Variants in IFNAR2 observed in about 807,000 individuals in gnomAD.
IFNAR2 encodes the protein interferon alpha and beta receptor subunit 2.
A neutral mutation model predicts 49.4 loss-of-function variants in IFNAR2; 30 were observed. The ratio of observed to expected loss-of-function variants is 0.61; its 90% CI spans 0.45 to 0.82. IFNAR2 has a LOEUF of 0.82. IFNAR2 is among the 40% of genes least tolerant of loss of function. The probability of loss-of-function intolerance (pLI) is 0.00; values close to 1 mark genes in which losing one functional copy is unlikely to be tolerated. For missense variants in IFNAR2, 600 were observed against 622.7 expected, an observed-to-expected ratio of 0.96 and a Z score of 0.39; for synonymous variants, 224 against 234.5, an observed-to-expected ratio of 0.96 and a Z score of 0.41.
At chr21:33,237,078 G>GGTGTGTGTGTGTGTGTGTGT (rs34322078) in intron 1 of IFNAR2, among the ~76,000 whole-genome samples, 4 of 147,698 alleles carry the variant, frequency 2.7e-5, no homozygotes, top group Admixed American at 1.3e-4. Context: ...GGGAGAATGG[G>GGTGTGTGTGTGTGTGTGTGT]GTGTGTGTGT....
intron 7 of IFNAR2, among the ~76,000 whole-genome samples, chr21:33,253,372 C>T (rs1055235690): frequency 4.6e-5 from 7 of 152,196 alleles, no homozygotes; most frequent in African/African-American, 1.7e-4. Flanking sequence ...CCCAAACCTT[C>T]TTCCCCTTTG....
chr21:33,247,921 G>A (rs1469878177), intron 5 of IFNAR2, among the ~76,000 whole-genome samples: 1 of 152,188 alleles, frequency 6.6e-6, no homozygotes, highest in East Asian at 1.9e-4. Context: ...CTGGATTTGT[G>A]TGCATGTTTA....
intron 1 of IFNAR2, among the ~76,000 whole-genome samples, chr21:33,231,447 C>A (rs535479954): frequency 6.6e-6 from 1 of 152,082 alleles, no homozygotes; most frequent in Non-Finnish European, 1.5e-5. Flanking sequence ...TAAAGTTTCT[C>A]ATGTATTTAT....
At chr21:33,251,689 G>C (rs1325518653) in intron 6 of IFNAR2, 1 of 984,904 alleles carries the variant, frequency 1.0e-6, no homozygotes, top group East Asian at 1.1e-4. Context: ...TTTAAAAACT[G>C]TAAAACATGA....
At chr21:33,239,975 C>T (rs1421800222) in intron 1 of IFNAR2, among the ~76,000 whole-genome samples, 1 of 118,468 alleles carries the variant, frequency 8.4e-6, no homozygotes, top group African/African-American at 3.3e-5. Flanking sequence ...ATGTTGTGAG[C>T]TACAGGTTCT....
intron 6 of IFNAR2, chr21:33,251,444 G>A: frequency 2.1e-6 from 1 of 485,608 alleles, no homozygotes; most frequent in Non-Finnish European, 2.7e-6. Flanking sequence ...GAAAGAGTGG[G>A]AGGAGAAAAA....
chr21:33,242,643 G>A (rs1224116930), intron 2 of IFNAR2, among the ~76,000 whole-genome samples: 1 of 141,870 alleles, frequency 7.0e-6, no homozygotes, highest in African/African-American at 2.6e-5. Flanking sequence ...TGAGGCAGGA[G>A]AATGGCATGA....
rs1472094219 is a variant in IFNAR2 at position 33,262,966 on chromosome 21, C to T, written c.1014C>T (p.Thr338=). The T allele has an allele frequency of 2.2e-5, 35 of 1,614,018 alleles. No homozygotes were observed. The highest frequency in any genetic ancestry group is 5.0e-5 in the Admixed American group (3 of 59,994). The change falls in exon 9 of 9, where the codon ACC becomes ACT. Residue 338 remains threonine (T), a synonymous_variant. Transcript: ENST00000342136. ...CCAGGACAAGTGGCGGTGGCTATAC[C>T]ATGCATGGACTGACTGTCAGGCCTC... ...AAPRTSGGGY[T]MHGLTVRPLG...
Position 33,230,666 on chromosome 21 carries a change from G to T in IFNAR2, c.-84+450G>T. The T allele has an allele frequency of 2.8e-5, 13 of 459,186 alleles. No homozygotes were observed. The highest frequency in any genetic ancestry group is 2.1e-4 in the South Asian group (13 of 63,164). 28.4% of individuals were successfully genotyped at this position (459,186 alleles called of 1,614,324 possible). On this transcript the variant is annotated intron_variant, in intron 1 of 8. Transcript: ENST00000342136. This position sits in a 1 kb window ranked among gnomAD's most constrained non-coding sequence, Gnocchi z 5.5. ...TTCGGGATCTCCAGCCCGCCCCCTT[G>T]AGGTCCCCTGGGATTAGCCCCCCTC...
intron 6 of IFNAR2, among the ~76,000 whole-genome samples, chr21:33,249,778 G>A (rs1294388978): frequency 6.6e-6 from 1 of 152,218 alleles, no homozygotes. Flanking sequence ...ACCAGCCTGA[G>A]AGATAATCAG....
intron 5 of IFNAR2, 153 bp from the exon 6 acceptor site, chr21:33,248,556 C>A: frequency 5.0e-6 from 1 of 200,476 alleles, no homozygotes; most frequent in Non-Finnish European, 8.9e-6. Context: ...ATGATACAGT[C>A]ACTTAGTGGA....
chr21:33,236,441 C>G (rs1400234171), intron 1 of IFNAR2, among the ~76,000 whole-genome samples: 1 of 152,166 alleles, frequency 6.6e-6, no homozygotes, highest in East Asian at 1.9e-4. Context: ...ACGTCTCTGC[C>G]TCAGATATGC....
At chr21:33,252,379 CTT>C in intron 6 of IFNAR2, 1 of 1,069,280 alleles carries the variant, frequency 9.4e-7, no homozygotes, top group Non-Finnish European at 1.2e-6. Flanking sequence ...GTCACAGAGA[CTT>C]TTATTCCTCT....
chr21:33,262,233 C>T (rs550077259), intron 8 of IFNAR2, among the ~76,000 whole-genome samples: 133 of 151,776 alleles, frequency 8.8e-4, no homozygotes, highest in Non-Finnish European at 1.6e-3. Flanking sequence ...GGCATAGTGG[C>T]GGGCGCCTGT....
rs1987062114 is a variant in IFNAR2, at chr21:33,242,763, GT to G, written c.55+787del. On this transcript the variant is annotated intron_variant, in intron 2 of 8. Transcript: ENST00000342136. ...AAAAAAAAAAATCTCGTGTGCGTGT[GT>G]GTGTGTGTGTGTGTGTGTGTGTGTG... Among the ~76,000 whole-genome samples the G allele has an allele frequency of 5.1e-3, 8 of 1,556 alleles. 2 individuals carry two copies. The highest frequency in any genetic ancestry group is 0.022 in the Admixed American group (3 of 134). 1.0% of individuals were successfully genotyped at this position (1,556 alleles called of 152,430 possible).
chr21:33,251,221 A>G (rs1387852387), intron 6 of IFNAR2, among the ~76,000 whole-genome samples: 1 of 152,172 alleles, frequency 6.6e-6, no homozygotes, highest in African/African-American at 2.4e-5. Flanking sequence ...CGACTGAGAA[A>G]GAGCAACCAG....
intron 2 of IFNAR2, among the ~76,000 whole-genome samples, chr21:33,242,215 A>G (rs1986990659): frequency 6.6e-6 from 1 of 152,230 alleles, no homozygotes. Context: ...TTAAGGCAAT[A>G]ATAATCAGGA....
Position 33,230,704 on chromosome 21 carries a change from G to C in IFNAR2, c.-84+488G>C. ...ATTAGCCCCCCTCGACCTGCGTCAG[G>C]GTCACAGACTGCAGCCGGGGCTGGA... On this transcript the variant is annotated intron_variant, in intron 1 of 8. Transcript: ENST00000342136. The surrounding 1 kb of genome is among the most constrained non-coding windows in gnomAD (Gnocchi z 5.5). 1 of 421,830 alleles carries C rather than the reference G, an allele frequency of 2.4e-6. No homozygotes were observed. The highest frequency in any genetic ancestry group is 4.9e-6 in the Non-Finnish European group (1 of 203,520). The allele number at this position is 421,830 out of a possible 1,614,324, so 26.1% of individuals were successfully genotyped here.
At chr21:33,241,630 A>G (rs889266854) in intron 1 of IFNAR2, among the ~76,000 whole-genome samples, 5 of 151,398 alleles carry the variant, frequency 3.3e-5, no homozygotes, top group South Asian at 2.1e-4. Context: ...ACTTTTCACA[A>G]TTTTTTTTTT....
Sources: gnomAD v4.1 joint callset for allele counts (sites outside exome capture counted in the v4.1 genomes callset) on GRCh38, gnomAD v4.1.1 for gene constraint, Gnocchi (gnomAD v3.1) non-coding constraint, MANE v1.5 for transcripts, NCBI Gene and HGNC (gene_info 2026-07-23, HGNC 2026-07-21) for gene names.